ZNF37A: variants seen among roughly 807,000 people sequenced by gnomAD.
The protein encoded by ZNF37A is zinc finger protein 37A.
ZNF37A carries 10 observed loss-of-function variants against 12.3 expected under a neutral mutation model. That is an observed-to-expected ratio of 0.82 (90% CI 0.50 to 1.38). The LOEUF (loss-of-function observed/expected upper bound fraction) is 1.38. Ranked by LOEUF, ZNF37A falls within the 40% of genes most tolerant of loss-of-function variation. The pLI, the probability that ZNF37A is intolerant of heterozygous loss-of-function variation, is 0.00. For missense variants in ZNF37A, 580 were observed against 651.2 expected (o/e 0.89, Z 1.19); for synonymous variants, 207 against 223.0 (o/e 0.93, Z 0.64).
chr10:38,146,567 T>C (rs1285684856), intron 7 of ZNF37A, among the ~76,000 whole-genome samples: 2 of 152,152 alleles, frequency 1.3e-5, no homozygotes, highest in African/African-American at 4.8e-5. Flanking sequence ...CCTGGAACAA[T>C]CTGGGCCTGA....
intron 5 of ZNF37A, among the ~76,000 whole-genome samples, chr10:38,103,237 T>A (rs1299726462): frequency 1.3e-5 from 2 of 152,216 alleles, no homozygotes; most frequent in African/African-American, 4.8e-5. Flanking sequence ...ATTCTTTTTC[T>A]CTGCTCCACA....
chr10:38,100,890 G>A (rs1297012871), intron 5 of ZNF37A, among the ~76,000 whole-genome samples: 1 of 152,106 alleles, frequency 6.6e-6, no homozygotes, highest in Non-Finnish European at 1.5e-5. Context: ...AATTATAAAA[G>A]TATTAATTTG....
chr10:38,105,797 G>T (rs1417519187), intron 5 of ZNF37A, among the ~76,000 whole-genome samples: 1 of 152,030 alleles, frequency 6.6e-6, no homozygotes, highest in African/African-American at 2.4e-5. Flanking sequence ...CTTTTGGATT[G>T]TTCATTGTTG....
downstream of ZNF37A, among the ~76,000 whole-genome samples, chr10:38,127,230 G>A (rs1189281770): frequency 6.6e-6 from 1 of 152,062 alleles, no homozygotes; most frequent in Non-Finnish European, 1.5e-5. Flanking sequence ...GGAGCTTGCC[G>A]CTGGCTTTTT....
At chr10:38,115,140 C>G (rs1412150222) in intron 6 of ZNF37A, 55 bp from the exon 7 acceptor site, 10 of 1,562,408 alleles carry the variant, frequency 6.4e-6, no homozygotes, top group Non-Finnish European at 8.7e-6. Context: ...TACTGTCTTC[C>G]TCCTTCAGGA....
chr10:38,106,813 A>G (rs1481628239), intron 5 of ZNF37A, among the ~76,000 whole-genome samples: 5 of 152,132 alleles, frequency 3.3e-5, no homozygotes, highest in Non-Finnish European at 7.3e-5. Flanking sequence ...AGAAAAAAGA[A>G]TGAAAAGGAA....
In ZNF37A at chr10:38,100,220, G is replaced by C. The variant is rs144992383; in HGVS notation, c.15+3588G>C. ...ATATCACAAGGCAAGTGGAGGCAGC[G>C]TGAGATCACAGGACCGCAGGACCGG... On this transcript the variant is annotated intron_variant, in intron 5 of 7. Transcript: ENST00000685332. Among the ~76,000 whole-genome samples the C allele has an allele frequency of 5.1e-4, 77 of 152,290 alleles. 1 individual carries two copies. Among genetic ancestry groups the C allele is most frequent in the Middle Eastern group, 3.4e-3 (1 of 294 alleles).
intron 5 of ZNF37A, among the ~76,000 whole-genome samples, chr10:38,112,356 T>G (rs176879): frequency 0.48 from 73,211 of 151,754 alleles, 17,834 homozygotes; most frequent in East Asian, 0.54. Flanking sequence ...TGTGCTTGGC[T>G]TTCTGAATTC....
At chr10:38,112,748 T>TG (rs1173308633) in intron 5 of ZNF37A, among the ~76,000 whole-genome samples, 14 of 73,158 alleles carry the variant, frequency 1.9e-4, no homozygotes, top group African/African-American at 6.5e-4. Flanking sequence ...TTCTTTTCTT[T>TG]TCTTTTCTTT....
chr10:38,115,019 A>G, intron 6 of ZNF37A, 138 bp downstream of exon 6: 3 of 1,314,646 alleles, frequency 2.3e-6, no homozygotes, highest in Non-Finnish European at 3.1e-6. Context: ...TCCCTTTTGG[A>G]TACCAGAAAG....
At chr10:38,106,710 C>T (rs890453830) in intron 5 of ZNF37A, among the ~76,000 whole-genome samples, 24 of 151,906 alleles carry the variant, frequency 1.6e-4, no homozygotes, top group African/African-American at 5.6e-4. Context: ...GTGAAGCATA[C>T]ATAAGTATCA....
chr10:38,145,341 T>C (rs1194447746), intron 7 of ZNF37A, among the ~76,000 whole-genome samples: 1 of 152,138 alleles, frequency 6.6e-6, no homozygotes, highest in East Asian at 1.9e-4. Context: ...AAGAAACAAA[T>C]TGTCTTGATA....
chr10:38,117,730 A>G lies in ZNF37A; in HGVS notation c.579A>G (p.Gln193=). The stretch of plus-strand genomic sequence containing the variant: ...TGTCATTTTTCATCACTCATCAGCA[A>G]ACACATCCAAGAGAAAACCACTATG... The part of the protein sequence containing the change: ...CDMSFFITHQ[Q]THPRENHYGN... The change falls in exon 8 of 8, where the codon CAA becomes CAG. Residue 193 remains glutamine (Q), a synonymous_variant. Coordinates refer to ENST00000685332, the MANE Select transcript of ZNF37A (RefSeq NM_001324250.3). The G allele has an allele frequency of 1.2e-6, 2 of 1,613,954 alleles. No individual in the cohort carries two copies. The highest frequency in any genetic ancestry group is 1.7e-6 in the Non-Finnish European group (2 of 1,179,974).
chr10:38,114,700 T>A, intron 5 of ZNF37A, 55 bp from the exon 6 acceptor site: 1 of 1,612,814 alleles, frequency 6.2e-7, no homozygotes, highest in East Asian at 2.2e-5. Context: ...AAACATCTTT[T>A]TTCACGTCAA....
At chr10:38,112,761 T>TCGGTCTCGGTCTCGGTCTCGGTC (rs2068864235) in intron 5 of ZNF37A, among the ~76,000 whole-genome samples, 1 of 55,628 alleles carries the variant, frequency 1.8e-5, no homozygotes, top group Non-Finnish European at 3.9e-5. Context: ...TTTTCTTTTC[T>TCGGTCTCGGTCTCGGTCTCGGTC]TTTCTTTTCT....
chr10:38,114,989 C>T (rs970486552), intron 6 of ZNF37A, 108 bp downstream of exon 6: 151 of 1,434,788 alleles, frequency 1.1e-4, no homozygotes, highest in Non-Finnish European at 1.4e-4. Flanking sequence ...GTTTGAGATT[C>T]AGAGGTCAAG....
At chr10:38,125,985 T>C (rs145507829), downstream of ZNF37A, among the ~76,000 whole-genome samples, 375 of 152,196 alleles carry the variant, frequency 2.5e-3, 9 homozygotes, top group East Asian at 0.056. Flanking sequence ...GATGACCAGA[T>C]CTTGGGAGAA....
Position 38,096,725 on chromosome 10 carries a change from A to T in ZNF37A, c.15+93A>T. ...TTCATATGAAAGTAGAAATAACATC[A>T]GGGAAAATATAGAGGAGAGGTCACA... On this transcript the variant is annotated intron_variant, in intron 5 of 7. Coordinates refer to ENST00000685332, the MANE Select transcript of ZNF37A (RefSeq NM_001324250.3). 3 of 1,308,208 alleles carry T rather than the reference A, an allele frequency of 2.3e-6. No individual in the cohort carries two copies. The East Asian group carries it at 7.0e-5, about 31-fold the overall frequency. The allele number at this position is 1,308,208 out of a possible 1,614,324, so 81.0% of individuals were successfully genotyped here. A position where few individuals can be genotyped will look rare whatever the true frequency, so the allele number is the denominator to read the frequency against.
chr10:38,117,892 G>C lies in ZNF37A; in HGVS notation c.741G>C (p.Glu247Asp), dbSNP rs1312019012. The C allele has an allele frequency of 1.2e-6, 2 of 1,613,884 alleles. No homozygotes were observed. Among genetic ancestry groups the C allele is most frequent in the Non-Finnish European group, 1.7e-6 (2 of 1,180,006 alleles). ...HSINNIIEYNECGTFFSEKLV... is the reference protein window; with the variant it reads ...HSINNIIEYNDCGTFFSEKLV... The stretch of plus-strand genomic sequence containing the variant: ...TTAACAATATTATTGAATATAATGA[G>C]TGTGGAACATTTTTCAGTGAAAAAT... The change falls in exon 8 of 8, where the codon GAG becomes GAC. Residue 247 changes from glutamate to aspartate, a missense_variant. By Grantham distance (45) the Glu-to-Asp change is conservative. Transcript: ENST00000685332.
Sources: gnomAD v4.1 joint callset for allele counts (sites outside exome capture counted in the v4.1 genomes callset) on GRCh38, gnomAD v4.1.1 for gene constraint, MANE v1.5 for transcripts, NCBI Gene and HGNC (gene_info 2026-07-23, HGNC 2026-07-21) for gene names.